MTMR12: variants seen among roughly 807,000 people sequenced by gnomAD.
MTMR12 encodes the protein myotubularin-related protein 12.
MTMR12 carries 33 observed loss-of-function variants against 96.7 expected under a neutral mutation model. The observed-to-expected ratio is 0.34, with a 90% CI of 0.26 to 0.46. The LOEUF (loss-of-function observed/expected upper bound fraction) is 0.46. MTMR12 is among the 20% of genes least tolerant of loss of function. The pLI, the probability that MTMR12 is intolerant of heterozygous loss-of-function variation, is 1.00. For missense variants in MTMR12, 721 were observed against 896.1 expected, an observed-to-expected ratio of 0.80 and a Z score of 2.49; for synonymous variants, 298 against 327.2, an observed-to-expected ratio of 0.91 and a Z score of 0.96.
Position 32,287,241 on chromosome 5 carries a change from G to C in MTMR12, c.82-10499C>G, listed in dbSNP as rs140954274. ...TGTGGCTGTGAGTGTTGCCAAAGGA[G>C]ATTAACATTTGAGTCAGTGGGCTGG... is the stretch of plus-strand genomic sequence containing the variant. On this transcript the variant is annotated intron_variant, in intron 1 of 15. Coordinates refer to ENST00000382142, the MANE Select transcript of MTMR12 (RefSeq NM_001040446.3). Among the ~76,000 whole-genome samples the C allele has an allele frequency of 4.4e-3, 673 of 152,298 alleles. 11 individuals carry two copies. The highest frequency in any genetic ancestry group is 0.016 in the African/African-American group (653 of 41,564).
At chr5:32,283,050 G>A (rs1207801084) in intron 1 of MTMR12, among the ~76,000 whole-genome samples, 3 of 152,160 alleles carry the variant, frequency 2.0e-5, no homozygotes, top group Non-Finnish European at 2.9e-5. Context: ...TCCTACATGT[G>A]GATCTTGGAG....
intron 14 of MTMR12, among the ~76,000 whole-genome samples, chr5:32,234,527 TCTAA>T (rs1320984577): frequency 5.9e-5 from 9 of 152,254 alleles, no homozygotes; most frequent in South Asian, 4.1e-4. Flanking sequence ...GGACATCTGG[TCTAA>T]CTGTCTTTCA....
intron 3 of MTMR12, among the ~76,000 whole-genome samples, 160 bp downstream of exon 3, chr5:32,273,820 C>A (rs1422446194): frequency 6.6e-6 from 1 of 152,028 alleles, no homozygotes; most frequent in African/African-American, 2.4e-5. Flanking sequence ...TGTGCTATTC[C>A]CCCCAAACTT....
chr5:32,280,398 G>A (rs148180332), intron 1 of MTMR12, among the ~76,000 whole-genome samples: 8 of 152,296 alleles, frequency 5.3e-5, no homozygotes, highest in African/African-American at 1.9e-4. Flanking sequence ...ATTTGACACA[G>A]TGCTAAAAGG....
intron 1 of MTMR12, among the ~76,000 whole-genome samples, chr5:32,284,619 G>A (rs1486958438): frequency 1.3e-5 from 2 of 152,070 alleles, no homozygotes; most frequent in Non-Finnish European, 2.9e-5. Context: ...TTTACAGAAG[G>A]GTCTAGAGTT....
At chr5:32,244,979 A>G (rs549702410) in intron 10 of MTMR12, among the ~76,000 whole-genome samples, 45 of 152,238 alleles carry the variant, frequency 3.0e-4, no homozygotes, top group African/African-American at 9.9e-4. Flanking sequence ...ATGTCATTGC[A>G]GTCTATTTTA....
chr5:32,233,483 C>T lies in MTMR12; in HGVS notation c.1674+290G>A, dbSNP rs1049327041. Among the ~76,000 whole-genome samples the T allele has an allele frequency of 1.8e-4, 27 of 151,910 alleles. No homozygotes were observed. The highest frequency in any genetic ancestry group is 3.4e-4 in the Non-Finnish European group (23 of 67,998). ...ACACACACACACACAAACACACACA[C>T]ACACACACACACACAGGCAGGACAA... is the stretch of plus-strand genomic sequence containing the variant. On this transcript the variant is annotated intron_variant, in intron 15 of 15. Coordinates refer to ENST00000382142, the MANE Select transcript of MTMR12 (RefSeq NM_001040446.3). This position sits in a 1 kb window ranked among gnomAD's most constrained non-coding sequence, Gnocchi z 5.0.
chr5:32,275,596 C>T (rs1218014032), intron 2 of MTMR12, among the ~76,000 whole-genome samples: 1 of 152,122 alleles, frequency 6.6e-6, no homozygotes, highest in Non-Finnish European at 1.5e-5. Context: ...TCTAGAAGCA[C>T]AAGAGTTGGG....
chr5:32,233,052 T>TA lies in MTMR12; in HGVS notation c.1674+720dup, dbSNP rs1446188175. 1.0e-6 allele frequency: 1 copy of TA among 970,550 alleles called. No individual in the cohort carries two copies. The highest frequency in any genetic ancestry group is 1.8e-5 in the African/African-American group (1 of 56,872). 60.1% of individuals were successfully genotyped at this position (970,550 alleles called of 1,614,324 possible). A position where few individuals can be genotyped will look rare whatever the true frequency, so the allele number is the denominator to read the frequency against. ...AATGTCAGTTAAATAATTCATCAGTTAGGGAACTTTGGGATTATCAACTAA... is the reference window on the plus strand; with the variant it reads ...AATGTCAGTTAAATAATTCATCAGTTAAGGGAACTTTGGGATTATCAACTAA... On this transcript the variant is annotated intron_variant, in intron 15 of 15. Transcript: ENST00000382142. This position sits in a 1 kb window ranked among gnomAD's most constrained non-coding sequence, Gnocchi z 5.0.
At chr5:32,245,836 A>AC (rs559786293) in intron 10 of MTMR12, among the ~76,000 whole-genome samples, 2,342 of 151,936 alleles carry the variant, frequency 0.015, 32 homozygotes, top group Non-Finnish European at 0.024. Flanking sequence ...TCAGAAAAAA[A>AC]AAAACCTCTC....
chr5:32,299,972 T>C (rs967110815), intron 1 of MTMR12, among the ~76,000 whole-genome samples: 3 of 152,138 alleles, frequency 2.0e-5, no homozygotes, highest in Non-Finnish European at 2.9e-5. Context: ...AGATGCTGCC[T>C]TGGGTTCTGC....
At chr5:32,237,392 C>G (rs143918352) in intron 13 of MTMR12, among the ~76,000 whole-genome samples, 351 of 152,296 alleles carry the variant, frequency 2.3e-3, no homozygotes, top group African/African-American at 8.2e-3. Flanking sequence ...TGTGCCTGAA[C>G]TTGGAGGTCC....
intron 8 of MTMR12, among the ~76,000 whole-genome samples, chr5:32,250,633 T>C (rs2112026786): frequency 6.6e-6 from 1 of 152,340 alleles, no homozygotes; most frequent in Non-Finnish European, 1.5e-5. Context: ...CTCTTAGCCA[T>C]GACTGGATGG....
At chr5:32,258,347 G>C (rs1454166550) in intron 7 of MTMR12, among the ~76,000 whole-genome samples, 1 of 152,120 alleles carries the variant, frequency 6.6e-6, no homozygotes, top group Non-Finnish European at 1.5e-5. Context: ...CCCTTTTTCA[G>C]GTGTAGTCAT....
intron 1 of MTMR12, among the ~76,000 whole-genome samples, chr5:32,279,874 A>G (rs904249452): frequency 9.2e-5 from 14 of 152,208 alleles, no homozygotes; most frequent in African/African-American, 3.4e-4. Context: ...GCCGCCACTG[A>G]TCCCACAGGA....
At chr5:32,243,697 A>T (rs538211235) in intron 10 of MTMR12, 98 bp from the exon 11 acceptor site, 1 of 715,474 alleles carries the variant, frequency 1.4e-6, no homozygotes. Context: ...TCAGATTAAC[A>T]GTCCTGACTC....
chr5:32,279,579 C>A (rs555645914), intron 1 of MTMR12, among the ~76,000 whole-genome samples: 1 of 152,254 alleles, frequency 6.6e-6, no homozygotes, highest in African/African-American at 2.4e-5. Flanking sequence ...AAACTCTTAC[C>A]ACAAAACTGA....
chr5:32,271,710 T>G, intron 4 of MTMR12, 123 bp downstream of exon 4: 1 of 537,284 alleles, frequency 1.9e-6, no homozygotes, highest in East Asian at 3.5e-5. Context: ...ATAAAACAGA[T>G]TTAAACAAGA....
intron 1 of MTMR12, among the ~76,000 whole-genome samples, chr5:32,281,899 CAAA>C (rs201071153): frequency 1.6e-5 from 2 of 121,398 alleles, no homozygotes; most frequent in Non-Finnish European, 1.8e-5. Flanking sequence ...GACTCCGTCT[CAAA>C]AAAAAAAAAA....
Sources: allele counts gnomAD v4.1 joint callset (sites outside exome capture counted in the v4.1 genomes callset), GRCh38; gene constraint gnomAD v4.1.1; non-coding constraint Gnocchi (gnomAD v3.1); transcripts MANE v1.5; gene names NCBI Gene and HGNC (gene_info 2026-07-23, HGNC 2026-07-21).